ZMAT4: variants seen among roughly 807,000 people sequenced by gnomAD.
ZMAT4 encodes the protein zinc finger matrin-type protein 4.
ZMAT4 carries 17 observed loss-of-function variants against 28.7 expected under a neutral mutation model. That is an observed-to-expected ratio of 0.59 (90% CI 0.41 to 0.89). The LOEUF (loss-of-function observed/expected upper bound fraction) is 0.89, where lower values mean the gene tolerates loss of function less well. Among genes scored for constraint, ZMAT4 ranks in the 40% least tolerant of loss-of-function variants. The pLI, the probability that ZMAT4 is intolerant of heterozygous loss-of-function variation, is 0.00. For synonymous variants in ZMAT4, 117 were observed against 109.2 expected (o/e 1.07, Z -0.44); for missense variants, 240 against 283.8 (o/e 0.85, Z 1.11).
intron 4 of ZMAT4, among the ~76,000 whole-genome samples, chr8:40,695,521 C>G (rs946816675): frequency 6.6e-6 from 1 of 152,228 alleles, no homozygotes; most frequent in Non-Finnish European, 1.5e-5. Context: ...TCTTGCCTAT[C>G]CAGCAACCTG....
chr8:40,892,872 A>T (rs1818744109), intron 1 of ZMAT4, among the ~76,000 whole-genome samples: 1 of 152,186 alleles, frequency 6.6e-6, no homozygotes, highest in South Asian at 2.1e-4. Context: ...GAGGGCACAG[A>T]TGCCTGCACT....
At chr8:40,584,127 G>C (rs543764907) in intron 5 of ZMAT4, among the ~76,000 whole-genome samples, 2 of 152,254 alleles carry the variant, frequency 1.3e-5, no homozygotes, top group South Asian at 4.2e-4. Context: ...TTGGGGTCCT[G>C]AGTTTATTTT....
rs190491257 is a variant in ZMAT4 at position 40,828,142 on chromosome 8, A to G, written c.-4-2462T>C. Reference sequence around the variant, plus strand: ...AATTCCAGTGCCAACCCACAATATCATAGTCATTTGTAATGGTCTCCATTC... The same window carrying G: ...AATTCCAGTGCCAACCCACAATATCGTAGTCATTTGTAATGGTCTCCATTC... On this transcript the variant is annotated intron_variant, in intron 1 of 6. Coordinates refer to ENST00000297737, the MANE Select transcript of ZMAT4 (RefSeq NM_024645.3). Among the ~76,000 whole-genome samples, 144 of 152,350 alleles carry G rather than the reference A, an allele frequency of 9.5e-4. 3 individuals carry two copies. The East Asian group carries it at 0.023, about 24-fold the overall frequency.
chr8:40,664,355 T>A (rs534615569), intron 5 of ZMAT4, among the ~76,000 whole-genome samples: 12 of 152,144 alleles, frequency 7.9e-5, no homozygotes, highest in Non-Finnish European at 1.5e-4. Flanking sequence ...TCTCTCTTCT[T>A]CTACTTAGCT....
At chr8:40,759,621 G>A (rs770299689) in intron 3 of ZMAT4, among the ~76,000 whole-genome samples, 6 of 152,132 alleles carry the variant, frequency 3.9e-5, no homozygotes, top group Non-Finnish European at 1.5e-5. Context: ...CCTTTCTGAC[G>A]TTTAAGCCAC....
chr8:40,779,918 G>A (rs1423240899), intron 2 of ZMAT4, among the ~76,000 whole-genome samples: 3 of 152,152 alleles, frequency 2.0e-5, no homozygotes, highest in Non-Finnish European at 4.4e-5. Context: ...GCTGAGAGGT[G>A]TGGAGCATGA....
intron 2 of ZMAT4, among the ~76,000 whole-genome samples, chr8:40,777,249 T>C (rs1813637039): frequency 6.6e-6 from 1 of 151,998 alleles, no homozygotes; most frequent in Non-Finnish European, 1.5e-5. Flanking sequence ...ATAAACAAAT[T>C]TTTAAAATCC....
At chr8:40,692,392 G>A (rs1809701163) in intron 4 of ZMAT4, among the ~76,000 whole-genome samples, 1 of 152,192 alleles carries the variant, frequency 6.6e-6, no homozygotes, top group Admixed American at 6.5e-5. Context: ...AATGATAGAT[G>A]TGTTCATAAA....
intron 6 of ZMAT4, among the ~76,000 whole-genome samples, chr8:40,541,983 C>A (rs138733933): frequency 1.4e-4 from 22 of 152,242 alleles, no homozygotes; most frequent in African/African-American, 4.6e-4. Context: ...AGCTGGCCCT[C>A]GGGCAGAGTG....
chr8:40,845,782 A>T (rs1427831949), intron 1 of ZMAT4, among the ~76,000 whole-genome samples: 1 of 11,126 alleles, frequency 9.0e-5, no homozygotes, highest in Admixed American at 4.2e-3. Flanking sequence ...TAGTTAAAAA[A>T]AAAAAAAAAA....
intron 4 of ZMAT4, among the ~76,000 whole-genome samples, chr8:40,680,573 G>A (rs1301881654): frequency 6.6e-6 from 1 of 152,062 alleles, no homozygotes; most frequent in East Asian, 1.9e-4. Flanking sequence ...ACCGTCAGCA[G>A]TGAGATAGAT....
chr8:40,768,973 T>C (rs1031427506), intron 2 of ZMAT4, among the ~76,000 whole-genome samples: 3 of 152,206 alleles, frequency 2.0e-5, no homozygotes, highest in African/African-American at 7.2e-5. Flanking sequence ...ACATAGAAAG[T>C]TGCATCTTGT....
At chr8:40,846,172 C>T (rs56250619) in intron 1 of ZMAT4, among the ~76,000 whole-genome samples, 4 of 152,132 alleles carry the variant, frequency 2.6e-5, no homozygotes, top group African/African-American at 7.2e-5. Context: ...GCACCACCCC[C>T]CTCCCTACCA....
chr8:40,700,705 T>C lies in ZMAT4; in HGVS notation c.193-3304A>G, dbSNP rs1810106621. ...TCCCAAAGTGCTGGGATTGTAGGAGTGAGCCACTGTACCAGCCTGAAACTC... is the reference window on the plus strand; with the variant it reads ...TCCCAAAGTGCTGGGATTGTAGGAGCGAGCCACTGTACCAGCCTGAAACTC... On this transcript the variant is annotated intron_variant, in intron 3 of 6. Transcript: ENST00000297737. Among the ~76,000 whole-genome samples, 2 of 152,036 alleles carry C rather than the reference T, an allele frequency of 1.3e-5. 1 individual carries two copies. Among genetic ancestry groups the C allele is most frequent in the South Asian group, 4.2e-4 (2 of 4,800 alleles).
At chr8:40,864,397 G>A (rs887579141) in intron 1 of ZMAT4, among the ~76,000 whole-genome samples, 1 of 152,162 alleles carries the variant, frequency 6.6e-6, no homozygotes, top group African/African-American at 2.4e-5. Flanking sequence ...GAGAAAAGTG[G>A]GTCTCTAATG....
intron 1 of ZMAT4, among the ~76,000 whole-genome samples, chr8:40,855,278 C>T (rs1267566742): frequency 6.6e-6 from 1 of 152,104 alleles, no homozygotes; most frequent in East Asian, 1.9e-4. Context: ...ATCCTGCATC[C>T]TAACGGAGCC....
intron 2 of ZMAT4, among the ~76,000 whole-genome samples, chr8:40,798,202 C>A (rs1039575054): frequency 2.4e-4 from 36 of 152,308 alleles, no homozygotes; most frequent in African/African-American, 8.7e-4. Context: ...GAAATCCACA[C>A]ACAAACCAGA....
chr8:40,836,349 G>A (rs1443882053), intron 1 of ZMAT4, among the ~76,000 whole-genome samples: 5 of 152,152 alleles, frequency 3.3e-5, no homozygotes, highest in Non-Finnish European at 7.3e-5. Context: ...AGGAGGATAA[G>A]CTGAAAGTTA....
intron 6 of ZMAT4, among the ~76,000 whole-genome samples, chr8:40,548,658 G>A (rs1270694811): frequency 6.6e-6 from 1 of 152,092 alleles, no homozygotes; most frequent in Non-Finnish European, 1.5e-5. Context: ...GAGATAAGGG[G>A]GTTCTTGAAC....
Sources: gnomAD v4.1 joint callset for allele counts (sites outside exome capture counted in the v4.1 genomes callset) on GRCh38, gnomAD v4.1.1 for gene constraint, MANE v1.5 for transcripts, NCBI Gene and HGNC (gene_info 2026-07-23, HGNC 2026-07-21) for gene names.